SYN3: variants seen among roughly 807,000 people sequenced by gnomAD.
SYN3 encodes the protein synapsin-3.
SYN3 carries 35 observed loss-of-function variants against 65.8 expected under a neutral mutation model. That is an observed-to-expected ratio of 0.53 (90% CI 0.41 to 0.70). The LOEUF is 0.70. SYN3 is among the 30% of genes least tolerant of loss of function. SYN3 has a pLI of 0.00. For missense variants in SYN3, 680 were observed against 749.0 expected (o/e 0.91, Z 1.08); for synonymous variants, 270 against 292.9 (o/e 0.92, Z 0.80).
At chr22:32,987,092 G>C (rs1034846181) in intron 2 of SYN3, among the ~76,000 whole-genome samples, 5 of 152,130 alleles carry the variant, frequency 3.3e-5, no homozygotes, top group African/African-American at 1.2e-4. Context: ...CCTGTATGTA[G>C]AGTTAACGCA....
rs5994610 is a variant in SYN3, at chr22:32,723,346, G to T, written c.712-126610C>A. On this transcript the variant is annotated intron_variant, in intron 6 of 13. Transcript: ENST00000358763. The stretch of plus-strand genomic sequence containing the variant: ...TTCAGAGGATCAACATTTATAAAGT[G>T]CTTAGAACAGTGCAGGAAGGGCTAT... Among the ~76,000 whole-genome samples the T allele has an allele frequency of 7.7e-3, 1,170 of 152,292 alleles. 18 individuals carry two copies. The highest frequency in any genetic ancestry group is 0.027 in the African/African-American group (1,137 of 41,554).
intron 6 of SYN3, among the ~76,000 whole-genome samples, chr22:32,840,696 G>A (rs2047874228): frequency 6.6e-6 from 1 of 151,952 alleles, no homozygotes; most frequent in Non-Finnish European, 1.5e-5. Context: ...GGATTCAGAC[G>A]CAGCAAACTG....
At chr22:32,521,891 C>T (rs2057890875) in intron 12 of SYN3, among the ~76,000 whole-genome samples, 1 of 152,146 alleles carries the variant, frequency 6.6e-6, no homozygotes. Flanking sequence ...TGTGAATACC[C>T]ATTCATTAAT....
chr22:32,846,774 GCCAGAGAGATTCAGGAGGAAAGAGCC>G (rs922828444), intron 6 of SYN3, among the ~76,000 whole-genome samples: 3 of 152,348 alleles, frequency 2.0e-5, no homozygotes, highest in African/African-American at 7.2e-5. Flanking sequence ...GGCTAAGAAA[GCCAGAGAGATTCAGGAGGAAAGAGCC>G]CCAGAGAGAT....
At chr22:33,045,099 T>C (rs1304693878) in intron 1 of SYN3, among the ~76,000 whole-genome samples, 2 of 152,202 alleles carry the variant, frequency 1.3e-5, no homozygotes, top group African/African-American at 4.8e-5. Flanking sequence ...CGCCTTGGCC[T>C]CCCAAAGTGC....
At chr22:32,648,928 G>C (rs1388326723) in intron 6 of SYN3, among the ~76,000 whole-genome samples, 1 of 152,106 alleles carries the variant, frequency 6.6e-6, no homozygotes, top group South Asian at 2.1e-4. Context: ...AGTTTGGATG[G>C]GCACAAAGTA....
intron 7 of SYN3, among the ~76,000 whole-genome samples, chr22:32,555,304 G>A (rs1007692706): frequency 1.3e-5 from 2 of 152,208 alleles, no homozygotes; most frequent in Non-Finnish European, 2.9e-5. Flanking sequence ...TCTCCCCTGA[G>A]AGAGGAACAC....
At chr22:32,576,425 G>T (rs919380705) in intron 7 of SYN3, among the ~76,000 whole-genome samples, 2 of 152,188 alleles carry the variant, frequency 1.3e-5, no homozygotes, top group African/African-American at 4.8e-5. Flanking sequence ...TGTGACAACT[G>T]AGTAGGAAAA....
chr22:32,517,999 C>A (rs367922101), intron 13 of SYN3, 44 bp downstream of exon 13: 2 of 1,454,300 alleles, frequency 1.4e-6, no homozygotes, highest in Admixed American at 2.6e-5. Context: ...TCTGCCTACA[C>A]CCCAGCTCTA....
intron 6 of SYN3, among the ~76,000 whole-genome samples, chr22:32,780,930 TTCCTTTCC>T (rs1176209043): frequency 5.8e-4 from 68 of 117,124 alleles, no homozygotes; most frequent in African/African-American, 2.1e-3. Flanking sequence ...CCTTCCTTCC[TTCCTTTCC>T]TTCCTTCCTT....
chr22:32,580,999 G>A (rs2058932047), intron 7 of SYN3, among the ~76,000 whole-genome samples: 1 of 152,196 alleles, frequency 6.6e-6, no homozygotes, highest in African/African-American at 2.4e-5. Context: ...ACAGTCAGGC[G>A]CTAGAGGAAG....
At chr22:32,762,299 C>T (rs2413149) in intron 6 of SYN3, among the ~76,000 whole-genome samples, 1 of 152,026 alleles carries the variant, frequency 6.6e-6, no homozygotes, top group Non-Finnish European at 1.5e-5. Flanking sequence ...ACCCTCTTCT[C>T]CCCGTCCATA....
Position 32,923,409 on chromosome 22 carries a change from G to C in SYN3, c.461+7981C>G, listed in dbSNP as rs138597299. Among the ~76,000 whole-genome samples the C allele has an allele frequency of 3.9e-5, 6 of 152,322 alleles. 1 individual carries two copies. Among genetic ancestry groups the C allele is most frequent in the East Asian group, 1.9e-4 (1 of 5,178 alleles). ...CTCTTCCAGAAATACCCTCACAGAC[G>C]CAACAAGAAATAAAGTTTTACCAGC... On this transcript the variant is annotated intron_variant, in intron 4 of 13. Coordinates refer to ENST00000358763, the MANE Select transcript of SYN3 (RefSeq NM_003490.4).
chr22:32,509,711 G>A lies in SYN3; in HGVS notation c.*3981C>T, dbSNP rs1484810911. Reference sequence around the variant, plus strand: ...AGCCTCCCTAGTAGCTGGGACTACAGGCGCCCGCTACCACGCCCGGCTAAT... The same window carrying A: ...AGCCTCCCTAGTAGCTGGGACTACAAGCGCCCGCTACCACGCCCGGCTAAT... On this transcript the variant is annotated 3_prime_UTR_variant, in exon 14 of 14. Transcript: ENST00000358763. 1.3e-5 allele frequency among the ~76,000 whole-genome samples: 2 copies of A among 151,982 alleles called. No individual in the cohort carries two copies. The highest frequency in any genetic ancestry group is 1.3e-4 in the Admixed American group (2 of 15,248).
chr22:32,811,731 T>A (rs968707538), intron 6 of SYN3, among the ~76,000 whole-genome samples: 3 of 152,168 alleles, frequency 2.0e-5, no homozygotes, highest in Admixed American at 6.6e-5. Context: ...GATGTCAGTA[T>A]TGAGAATGGC....
chr22:32,772,766 G>T (rs5994626), intron 6 of SYN3, among the ~76,000 whole-genome samples: 77,254 of 151,784 alleles, frequency 0.51, 19,727 homozygotes, highest in East Asian at 0.55. Flanking sequence ...AATACTTGCA[G>T]CCAGGAGAAA....
Position 32,991,375 on chromosome 22 carries a change from A to G in SYN3, c.312-10673T>C, listed in dbSNP as rs531037728. Among the ~76,000 whole-genome samples the G allele has an allele frequency of 2.0e-5, 3 of 150,370 alleles. No individual in the cohort carries two copies. The South Asian group carries it at 6.3e-4, about 31-fold the overall frequency. On this transcript the variant is annotated intron_variant, in intron 2 of 13. Coordinates refer to ENST00000358763, the MANE Select transcript of SYN3 (RefSeq NM_003490.4). ...TAATAATAATAATAATAATAATAGTAATAATAGAACATTCATATAAAAATT... is the reference window on the plus strand; with the variant it reads ...TAATAATAATAATAATAATAATAGTGATAATAGAACATTCATATAAAAATT...
At chr22:32,882,677 T>C (rs1026905381) in intron 4 of SYN3, among the ~76,000 whole-genome samples, 2 of 152,070 alleles carry the variant, frequency 1.3e-5, no homozygotes, top group Non-Finnish European at 2.9e-5. Context: ...GTTTGCTAAA[T>C]TATTCTCTGT....
intron 6 of SYN3, among the ~76,000 whole-genome samples, chr22:32,621,150 T>A (rs1325146355): frequency 1.3e-5 from 2 of 152,192 alleles, no homozygotes; most frequent in Non-Finnish European, 2.9e-5. Flanking sequence ...CCATGCTCCC[T>A]TGGGCTCACC....
Sources: gnomAD v4.1 joint callset for allele counts (sites outside exome capture counted in the v4.1 genomes callset) on GRCh38, gnomAD v4.1.1 for gene constraint, MANE v1.5 for transcripts, NCBI Gene and HGNC (gene_info 2026-07-23, HGNC 2026-07-21) for gene names.